Variants in CHRDL1 observed in about 807,000 individuals in gnomAD.
CHRDL1 encodes the protein chordin like 1.
Under a neutral mutation model 40.9 loss-of-function variants are expected in CHRDL1, and 19 were observed. The observed-to-expected ratio is 0.46, with a 90% CI of 0.32 to 0.68. CHRDL1 has a LOEUF of 0.68. CHRDL1 is among the 30% of genes least tolerant of loss of function. The pLI is 0.03. For synonymous variants in CHRDL1, 136 were observed against 123.4 expected, an observed-to-expected ratio of 1.10 and a Z score of -0.68; for missense variants, 329 against 352.1, an observed-to-expected ratio of 0.93 and a Z score of 0.53.
chrX:110,783,994 CA>C (rs2089981198), intron 2 of CHRDL1, among the ~76,000 whole-genome samples: 1 of 111,474 alleles, frequency 9.0e-6, no homozygotes, highest in Non-Finnish European at 1.9e-5. Context: ...AACACATGGT[CA>C]GTGGAAAAAA....
At chrX:110,691,205 C>A (rs1388052619) in intron 8 of CHRDL1, among the ~76,000 whole-genome samples, 1 of 105,159 alleles carries the variant, frequency 9.5e-6, no homozygotes, top group East Asian at 3.0e-4. Flanking sequence ...CAGAGTGAGA[C>A]CCTGTTCCCT....
intron 8 of CHRDL1, among the ~76,000 whole-genome samples, chrX:110,693,332 C>T (rs936682083): frequency 9.0e-6 from 1 of 111,033 alleles, no homozygotes; most frequent in Admixed American, 9.6e-5. Flanking sequence ...GGATTTCTCA[C>T]TGGATTACTC....
intron 7 of CHRDL1, 74 bp from the exon 8 acceptor site, chrX:110,694,405 G>T: frequency 1.2e-6 from 1 of 806,406 alleles, no homozygotes. Flanking sequence ...TATACTAGAA[G>T]TCATTCAATA....
In CHRDL1 at chrX:110,679,395, ATCT is replaced by A. The variant is rs1423509585; in HGVS notation, c.1184_1186del (p.Lys395del). 2.5e-6 allele frequency: 3 copies of A among 1,208,340 alleles called. No homozygotes were observed. Among genetic ancestry groups the A allele is most frequent in the Admixed American group, 4.3e-5 (2 of 46,015 alleles). On this transcript the variant is annotated inframe_deletion, in exon 11 of 12. Transcript: ENST00000372042. The stretch of plus-strand genomic sequence containing the variant: ...AAGCTCCTCAAACATCCTCTTGGAG[ATCT>A]TCTCAATATGGAAGTGCTGGAGAAT...
chrX:110,686,495 CAGAAG>C (rs1215786621), intron 9 of CHRDL1, among the ~76,000 whole-genome samples: 1 of 111,255 alleles, frequency 9.0e-6, no homozygotes, highest in Non-Finnish European at 1.9e-5. Context: ...AGACCCCTGA[CAGAAG>C]AGAAAATTGT....
At chrX:110,792,330 C>T (rs890249075) in intron 1 of CHRDL1, 115 bp from the exon 2 acceptor site, 2 of 409,458 alleles carry the variant, frequency 4.9e-6, no homozygotes, top group Non-Finnish European at 8.6e-6. Flanking sequence ...CTAGAATTTA[C>T]ATAAGTGTAA....
chrX:110,694,344 A>C lies in CHRDL1; in HGVS notation c.610-13T>G. On this transcript the variant is annotated splice_polypyrimidine_tract_variant and intron_variant, in intron 7 of 11. Transcript: ENST00000372042. Reference sequence around the variant, plus strand: ...GGTAAGAATGTCTCTGTAAAATAACAAGAACAAATTTAGTCCAAAAGCCAC... The same window carrying C: ...GGTAAGAATGTCTCTGTAAAATAACCAGAACAAATTTAGTCCAAAAGCCAC... 1.7e-6 allele frequency: 2 copies of C among 1,186,767 alleles called. No homozygotes were observed. Among genetic ancestry groups the C allele is most frequent in the South Asian group, 3.6e-5 (2 of 55,073 alleles).
intron 4 of CHRDL1, among the ~76,000 whole-genome samples, chrX:110,756,485 T>C (rs1355379659): frequency 9.1e-6 from 1 of 110,199 alleles, no homozygotes; most frequent in Non-Finnish European, 1.9e-5. Flanking sequence ...TTGTCCAAGT[T>C]AGGCAGTTGT....
At position 110,675,182 on chromosome X, in the gene CHRDL1, T is replaced by C. The variant is rs2069748487; in HGVS notation, c.*1049A>G. 8.9e-6 allele frequency: 1 copy of C among 111,986 alleles called. No homozygotes were observed. The highest frequency in any genetic ancestry group is 3.2e-5 in the African/African-American group (1 of 30,841). The allele number at this position is 111,986 out of a possible 1,213,427, so 9.2% of individuals were successfully genotyped here. On this transcript the variant is annotated 3_prime_UTR_variant, in exon 12 of 12. Transcript: ENST00000372042. Reference sequence around the variant, plus strand: ...CTTTTAAAGAGCTTCTAGAATTTACTAATTTAATATAATTTTTCTGACCAG... The same window carrying C: ...CTTTTAAAGAGCTTCTAGAATTTACCAATTTAATATAATTTTTCTGACCAG...
chrX:110,760,129 A>G (rs1255990960), intron 3 of CHRDL1, among the ~76,000 whole-genome samples: 2 of 112,050 alleles, frequency 1.8e-5, no homozygotes, highest in Non-Finnish European at 3.8e-5. Flanking sequence ...GAAAGACACA[A>G]TGAGCAATGG....
intron 4 of CHRDL1, among the ~76,000 whole-genome samples, chrX:110,729,320 T>A (rs1037298715): frequency 9.0e-6 from 1 of 110,580 alleles, no homozygotes; most frequent in Non-Finnish European, 1.9e-5. Context: ...ATTTCTTTTT[T>A]TTTTTCAGCA....
At chrX:110,702,941 A>AAATAAATAAATAAAATAAATAAAT (rs2070546740) in intron 6 of CHRDL1, among the ~76,000 whole-genome samples, 2 of 112,180 alleles carry the variant, frequency 1.8e-5, no homozygotes, top group Admixed American at 1.9e-4. Context: ...ATCAATAAAT[A>AAATAAATAAATAAAATAAATAAAT]CTAAAACACT....
intron 6 of CHRDL1, among the ~76,000 whole-genome samples, chrX:110,708,298 C>T (rs376545478): frequency 1.8e-5 from 2 of 110,580 alleles, no homozygotes; most frequent in East Asian, 5.7e-4. Flanking sequence ...TGAGTATATA[C>T]CCAAAGGATT....
chrX:110,737,146 G>T (rs2071278226), intron 4 of CHRDL1, among the ~76,000 whole-genome samples: 1 of 111,771 alleles, frequency 8.9e-6, no homozygotes, highest in Non-Finnish European at 1.9e-5. Context: ...CACACAGAAG[G>T]TCCAAAAAAT....
At position 110,688,691 on chromosome X, in the gene CHRDL1, C is replaced by T; in HGVS notation, c.891G>A (p.Glu297=). The T allele has an allele frequency of 8.3e-7, 1 of 1,209,327 alleles. No homozygotes were observed. Among genetic ancestry groups the T allele is most frequent in the Non-Finnish European group, 1.1e-6 (1 of 893,946 alleles). The change falls in exon 9 of 12, where the codon GAG becomes GAA. Residue 297 remains glutamate, a synonymous_variant. Coordinates refer to ENST00000372042, the MANE Select transcript of CHRDL1 (RefSeq NM_001143981.2). ...GATTGGGGCAGTGGATTTTCTTACACTCTTGCTTGGTGACATTACAAGTAC... is the reference window on the plus strand; with the variant it reads ...GATTGGGGCAGTGGATTTTCTTACATTCTTGCTTGGTGACATTACAAGTAC... The part of the protein sequence containing the change: ...VLCTCNVTKQ[E]CKKIHCPNRY...
In CHRDL1 at chrX:110,792,193, CA is replaced by C; in HGVS notation, c.-13del. On this transcript the variant is annotated 5_prime_UTR_variant, in exon 2 of 12. Coordinates refer to ENST00000372042, the MANE Select transcript of CHRDL1 (RefSeq NM_001143981.2). ...CACTTTTTTCTCATTTGGACCACTG[CA>C]AAAGGTGACAGAACCTTCAAGCTGT... The C allele has an allele frequency of 2.3e-5, 24 of 1,024,717 alleles. No homozygotes were observed. Among genetic ancestry groups the C allele is most frequent in the Non-Finnish European group, 3.1e-5 (23 of 734,732 alleles). The allele number at this position is 1,024,717 out of a possible 1,213,427, so 84.4% of individuals were successfully genotyped here. A position where few individuals can be genotyped will look rare whatever the true frequency, so the allele number is the denominator to read the frequency against.
intron 10 of CHRDL1, 114 bp downstream of exon 10, chrX:110,681,368 A>G: frequency 1.6e-6 from 1 of 614,331 alleles, no homozygotes; most frequent in Non-Finnish European, 2.6e-6. Flanking sequence ...CTAAGCAATC[A>G]AAAAGAACTT....
At chrX:110,774,344 T>C (rs1469761537) in intron 2 of CHRDL1, among the ~76,000 whole-genome samples, 2 of 111,974 alleles carry the variant, frequency 1.8e-5, no homozygotes, top group African/African-American at 6.5e-5. Context: ...ATCTCTTCCT[T>C]TTGTATAGCT....
chrX:110,692,702 AG>A (rs971760729), intron 8 of CHRDL1, among the ~76,000 whole-genome samples: 5 of 112,733 alleles, frequency 4.4e-5, no homozygotes, highest in African/African-American at 1.6e-4. Flanking sequence ...AATCAAACAC[AG>A]ATCGATAGTA....
Sources: allele counts gnomAD v4.1 joint callset (sites outside exome capture counted in the v4.1 genomes callset), GRCh38; gene constraint gnomAD v4.1.1; transcripts MANE v1.5; gene names NCBI Gene and HGNC (gene_info 2026-07-23, HGNC 2026-07-21).